Variants in CMIP observed in about 807,000 individuals in gnomAD.
CMIP encodes the protein c-Maf inducing protein.
Under a neutral mutation model 97.3 loss-of-function variants are expected in CMIP, and 13 were observed. That is an observed-to-expected ratio of 0.13 (90% CI 0.09 to 0.21). The LOEUF (loss-of-function observed/expected upper bound fraction) is 0.21. Among genes scored for constraint, CMIP ranks in the 10% least tolerant of loss-of-function variants. The pLI is 1.00. For missense variants in CMIP, 847 were observed against 1,024.9 expected (o/e 0.83, Z 2.37); for synonymous variants, 538 against 436.3 (o/e 1.23, Z -2.91).
chr16:81,653,268 C>T lies in CMIP; in HGVS notation c.639+904C>T, dbSNP rs533747876. 6.2e-4 allele frequency among the ~76,000 whole-genome samples: 94 copies of T among 152,300 alleles called. 2 individuals carry two copies. The South Asian group carries it at 0.019, about 30-fold the overall frequency. On this transcript the variant is annotated intron_variant, in intron 4 of 20. Transcript: ENST00000537098. ...ACCCCCGGTCCTGAGTCTCCCCCGT[C>T]AAGCTCCCATGCAAGTGCCTGGCTG...
intron 1 of CMIP, among the ~76,000 whole-genome samples, chr16:81,548,643 C>A (rs192728911): frequency 8.5e-4 from 128 of 151,178 alleles, no homozygotes; most frequent in African/African-American, 3.0e-3. Flanking sequence ...GAGTTGGAGA[C>A]CAGCCTCAGC....
At chr16:81,528,324 A>G (rs772085354) in intron 1 of CMIP, among the ~76,000 whole-genome samples, 13 of 151,892 alleles carry the variant, frequency 8.6e-5, no homozygotes, top group African/African-American at 2.2e-4. Flanking sequence ...CCTTCCTCCT[A>G]TGACCCTGTG....
At chr16:81,697,752 G>C (rs1696983735) in intron 14 of CMIP, 1 of 152,246 alleles carries the variant, frequency 6.6e-6, no homozygotes, top group African/African-American at 2.4e-5. Context: ...AGAGATGTTT[G>C]TGCAGCGATG....
intron 1 of CMIP, among the ~76,000 whole-genome samples, chr16:81,598,720 A>G (rs942857240): frequency 2.6e-5 from 4 of 152,202 alleles, no homozygotes; most frequent in African/African-American, 9.7e-5. Flanking sequence ...TAATCCCAGC[A>G]CTTTGAGAGA....
At chr16:81,492,219 A>G (rs1381693247) in intron 1 of CMIP, among the ~76,000 whole-genome samples, 5 of 152,192 alleles carry the variant, frequency 3.3e-5, no homozygotes, top group Admixed American at 2.6e-4. Flanking sequence ...GCCCATCTGT[A>G]ATGCCATCCA....
At chr16:81,702,443 A>G (rs1907523837) in intron 16 of CMIP, among the ~76,000 whole-genome samples, 179 bp from the exon 17 acceptor site, 1 of 152,150 alleles carries the variant, frequency 6.6e-6, no homozygotes, top group Non-Finnish European at 1.5e-5. Flanking sequence ...ATCACCCTCC[A>G]GTAAACCACC....
chr16:81,706,998 T>G lies in CMIP; in HGVS notation c.2198-16T>G, dbSNP rs762973391. On this transcript the variant is annotated splice_polypyrimidine_tract_variant and intron_variant, in intron 19 of 20. Coordinates refer to ENST00000537098, the MANE Select transcript of CMIP (RefSeq NM_198390.3). ...GGGCCTCGCTCTCCTAACAACTGTA[T>G]CTGTCTCTTGTGCAGCCATGAAGAG... 6.2e-7 allele frequency: 1 copy of G among 1,612,702 alleles called. No homozygotes were observed. Among genetic ancestry groups the G allele is most frequent in the South Asian group, 1.1e-5 (1 of 90,994 alleles).
Position 81,691,737 on chromosome 16 carries a change from TC to T in CMIP, c.1389-35del, listed in dbSNP as rs1330933387. 1.9e-6 allele frequency: 3 copies of T among 1,591,036 alleles called. No individual in the cohort carries two copies. In the East Asian group the frequency reaches 6.7e-5, roughly 36 times the overall value. ...AAAACAGTGCCATAAACCTTCCTTG[TC>T]CCAACCAAAGCTGACTGTCACCCTC... On this transcript the variant is annotated intron_variant, in intron 10 of 20. Transcript: ENST00000537098.
intron 10 of CMIP, among the ~76,000 whole-genome samples, chr16:81,680,786 C>T (rs999340009): frequency 6.6e-6 from 1 of 152,208 alleles, no homozygotes; most frequent in South Asian, 2.1e-4. Context: ...GAGGTAGAAG[C>T]CTCCAGGCCA....
intron 16 of CMIP, 133 bp downstream of exon 16, chr16:81,701,933 T>C: frequency 1.8e-6 from 2 of 1,082,828 alleles, no homozygotes; most frequent in Non-Finnish European, 2.7e-6. Flanking sequence ...ACCCCAGAAA[T>C]TGGTATTACC....
chr16:81,651,623 A>G (rs1009247731), intron 3 of CMIP, among the ~76,000 whole-genome samples: 9 of 152,158 alleles, frequency 5.9e-5, no homozygotes, highest in Non-Finnish European at 1.0e-4. Flanking sequence ...AGTGCCTTCA[A>G]CTCAGAGAAA....
At chr16:81,472,804 A>G (rs1907638110) in intron 1 of CMIP, among the ~76,000 whole-genome samples, 1 of 152,144 alleles carries the variant, frequency 6.6e-6, no homozygotes, top group African/African-American at 2.4e-5. Context: ...TGAGGTGCAC[A>G]GTGGGGTGTG....
chr16:81,544,634 G>A (rs1032352279), intron 1 of CMIP, among the ~76,000 whole-genome samples: 1 of 151,964 alleles, frequency 6.6e-6, no homozygotes, highest in African/African-American at 2.4e-5. Context: ...GTGTGCATGT[G>A]TGTGTGCCTG....
intron 1 of CMIP, among the ~76,000 whole-genome samples, chr16:81,535,795 C>T (rs2090331790): frequency 6.6e-6 from 1 of 152,128 alleles, no homozygotes; most frequent in Admixed American, 6.6e-5. Flanking sequence ...GAGGTCACCC[C>T]AGACTCTGAA....
chr16:81,460,836 G>T (rs1906856089), intron 1 of CMIP, among the ~76,000 whole-genome samples: 1 of 152,204 alleles, frequency 6.6e-6, no homozygotes, highest in Admixed American at 6.5e-5. Context: ...AAATGGTGGT[G>T]GTGATGATGA....
intron 1 of CMIP, among the ~76,000 whole-genome samples, chr16:81,558,847 C>A (rs1251010749): frequency 6.6e-6 from 1 of 152,218 alleles, no homozygotes; most frequent in East Asian, 1.9e-4. Context: ...CTGTTCCTCC[C>A]GCCTGCAGCC....
chr16:81,572,077 G>A (rs962955057), intron 1 of CMIP, among the ~76,000 whole-genome samples: 1 of 152,218 alleles, frequency 6.6e-6, no homozygotes, highest in African/African-American at 2.4e-5. Flanking sequence ...TTGATGTCGT[G>A]TTCTGGCGCG....
At position 81,530,773 on chromosome 16, in the gene CMIP, A is replaced by G. The variant is rs148451776; in HGVS notation, c.301-76794A>G. On this transcript the variant is annotated intron_variant, in intron 1 of 20. Transcript: ENST00000537098. ...CTCCTCCAGATCCATCCAAGGTGGC[A>G]TCACTAAGTGGCATTTGTGTGCTAG... 6.5e-3 allele frequency among the ~76,000 whole-genome samples: 984 copies of G among 152,338 alleles called. 15 individuals carry two copies. The highest frequency in any genetic ancestry group is 0.023 in the African/African-American group (936 of 41,572).
At chr16:81,464,198 C>G (rs572663833) in intron 1 of CMIP, 1 of 152,410 alleles carries the variant, frequency 6.6e-6, no homozygotes, top group African/African-American at 2.4e-5. Context: ...AAAGGAGTCT[C>G]CCAGGGGAAG....
Sources: allele counts gnomAD v4.1 joint callset (sites outside exome capture counted in the v4.1 genomes callset), GRCh38; gene constraint gnomAD v4.1.1; transcripts MANE v1.5; gene names NCBI Gene and HGNC (gene_info 2026-07-23, HGNC 2026-07-21).